Variants in CLSTN2 observed in about 807,000 individuals in gnomAD.
CLSTN2 encodes calsyntenin-2.
A neutral mutation model predicts 101.2 loss-of-function variants in CLSTN2; 48 were observed. The observed-to-expected ratio is 0.47, with a 90% CI of 0.38 to 0.60. CLSTN2 has a LOEUF of 0.60. CLSTN2 is among the 20% of genes least tolerant of loss of function. The pLI, the probability that CLSTN2 is intolerant of heterozygous loss-of-function variation, is 0.00. For missense variants in CLSTN2, 1,160 were observed against 1,238.2 expected, an observed-to-expected ratio of 0.94 and a Z score of 0.95; for synonymous variants, 481 against 463.6, an observed-to-expected ratio of 1.04 and a Z score of -0.48.
chr3:140,028,899 TC>T (rs984324587), intron 1 of CLSTN2, among the ~76,000 whole-genome samples: 4 of 152,138 alleles, frequency 2.6e-5, no homozygotes, highest in Non-Finnish European at 4.4e-5. Flanking sequence ...GTCCCACACC[TC>T]CACTGCTGGT....
At chr3:140,389,893 A>G (rs979465591) in intron 2 of CLSTN2, among the ~76,000 whole-genome samples, 1 of 152,070 alleles carries the variant, frequency 6.6e-6, no homozygotes, top group Admixed American at 6.6e-5. Flanking sequence ...TGTTGTAGCT[A>G]ATTTTCTTTA....
chr3:140,154,696 G>A (rs1389993850), intron 1 of CLSTN2, among the ~76,000 whole-genome samples: 3 of 143,080 alleles, frequency 2.1e-5, no homozygotes, highest in Non-Finnish European at 4.5e-5. Flanking sequence ...CCAGGCTGGA[G>A]TGCAGTGGCC....
intron 2 of CLSTN2, among the ~76,000 whole-genome samples, chr3:140,180,890 T>A (rs1401861192): frequency 6.6e-6 from 1 of 152,210 alleles, no homozygotes; most frequent in East Asian, 1.9e-4. Flanking sequence ...GTCCTTTTGT[T>A]CAGGGCCTGC....
intron 2 of CLSTN2, among the ~76,000 whole-genome samples, chr3:140,223,784 A>G (rs2086295195): frequency 6.6e-6 from 1 of 152,206 alleles, no homozygotes; most frequent in Non-Finnish European, 1.5e-5. Flanking sequence ...CCACCCTGCA[A>G]CATGGATTCC....
intron 2 of CLSTN2, among the ~76,000 whole-genome samples, chr3:140,194,858 G>A (rs1403498496): frequency 1.3e-5 from 2 of 152,204 alleles, no homozygotes; most frequent in African/African-American, 4.8e-5. Context: ...AATGGTGAAA[G>A]TCCTAACTCC....
chr3:140,351,283 T>C (rs1309950406), intron 2 of CLSTN2, among the ~76,000 whole-genome samples: 3 of 152,108 alleles, frequency 2.0e-5, no homozygotes, highest in Admixed American at 6.6e-5. Context: ...AAAGAGAACA[T>C]AAGAACTGAG....
chr3:140,526,593 AAC>A (rs201529597), intron 8 of CLSTN2, among the ~76,000 whole-genome samples: 10,008 of 141,286 alleles, frequency 0.071, 360 homozygotes, highest in African/African-American at 0.082. Flanking sequence ...CAAACAAACA[AAC>A]AAAAAAAAAA....
intron 2 of CLSTN2, among the ~76,000 whole-genome samples, chr3:140,289,328 G>GTT (rs60116021): frequency 6.0e-5 from 9 of 150,478 alleles, no homozygotes; most frequent in Non-Finnish European, 1.2e-4. Flanking sequence ...ATGGTTTTGT[G>GTT]TTTTTTTTTG....
intron 2 of CLSTN2, among the ~76,000 whole-genome samples, chr3:140,186,552 T>A (rs762459457): frequency 6.6e-6 from 1 of 152,132 alleles, no homozygotes; most frequent in Non-Finnish European, 1.5e-5. Flanking sequence ...GTTCAGAGCT[T>A]GATTTTATTA....
chr3:139,999,733 T>G (rs916424811), intron 1 of CLSTN2, among the ~76,000 whole-genome samples: 6 of 152,214 alleles, frequency 3.9e-5, no homozygotes, highest in Admixed American at 3.3e-4. Context: ...TTATTTAACT[T>G]TCATCAAGTA....
At chr3:140,035,294 CTAAG>C (rs2007632597) in intron 1 of CLSTN2, among the ~76,000 whole-genome samples, 1 of 152,216 alleles carries the variant, frequency 6.6e-6, no homozygotes, top group Middle Eastern at 3.2e-3. Context: ...AAGGGAATCA[CTAAG>C]TAAGTAGCAA....
intron 1 of CLSTN2, among the ~76,000 whole-genome samples, chr3:139,972,427 C>G (rs1202675675): frequency 1.3e-5 from 2 of 152,154 alleles, no homozygotes; most frequent in Non-Finnish European, 2.9e-5. Context: ...TTGTTAGCAT[C>G]TCTCTGGGGA....
At chr3:140,018,812 C>T in intron 1 of CLSTN2, among the ~76,000 whole-genome samples, 1 of 152,176 alleles carries the variant, frequency 6.6e-6, no homozygotes, top group East Asian at 1.9e-4. Context: ...AGGAGATAAG[C>T]TAAGTAAACA....
At chr3:139,976,598 C>T (rs1935822819) in intron 1 of CLSTN2, among the ~76,000 whole-genome samples, 1 of 152,194 alleles carries the variant, frequency 6.6e-6, no homozygotes, top group Non-Finnish European at 1.5e-5. Flanking sequence ...CCCTTTCCCA[C>T]TGTGCCCAGA....
At chr3:140,498,702 C>G (rs962977523) in intron 8 of CLSTN2, among the ~76,000 whole-genome samples, 1 of 152,236 alleles carries the variant, frequency 6.6e-6, no homozygotes, top group Non-Finnish European at 1.5e-5. Flanking sequence ...CATCCCTTCT[C>G]TTTTATCCCC....
At chr3:140,507,061 AG>A (rs1934697980) in intron 8 of CLSTN2, 2 of 152,140 alleles carry the variant, frequency 1.3e-5, no homozygotes, top group Non-Finnish European at 2.9e-5. Flanking sequence ...TGGGGTGATG[AG>A]GAACATCGGG....
chr3:139,950,009 G>A (rs931939810), intron 1 of CLSTN2, among the ~76,000 whole-genome samples: 3 of 152,218 alleles, frequency 2.0e-5, no homozygotes, highest in Admixed American at 6.5e-5. Flanking sequence ...GTGGGATGCT[G>A]AATGTGATGA....
intron 2 of CLSTN2, among the ~76,000 whole-genome samples, chr3:140,390,191 C>G (rs956953118): frequency 1.3e-5 from 2 of 151,154 alleles, no homozygotes; most frequent in African/African-American, 4.8e-5. Flanking sequence ...TTGCTTTTCT[C>G]TTTCTAGCTT....
chr3:140,401,318 G>A (rs2107976998), intron 2 of CLSTN2, among the ~76,000 whole-genome samples: 1 of 152,322 alleles, frequency 6.6e-6, no homozygotes, highest in East Asian at 1.9e-4. Context: ...TATCAGGTAA[G>A]AAGTACTTTA....
Sources: allele counts gnomAD v4.1 joint callset (sites outside exome capture counted in the v4.1 genomes callset), GRCh38; gene constraint gnomAD v4.1.1; transcripts MANE v1.5; gene names NCBI Gene and HGNC (gene_info 2026-07-23, HGNC 2026-07-21).